Variants in CORO7 observed in about 807,000 individuals in gnomAD.
CORO7 encodes coronin-7.
CORO7 carries 107 observed loss-of-function variants against 126.6 expected under a neutral mutation model. The observed-to-expected ratio is 0.85, with a 90% CI of 0.72 to 0.99. The LOEUF (loss-of-function observed/expected upper bound fraction) is 0.99, where lower values mean the gene tolerates loss of function less well. CORO7 is among the 50% of genes least tolerant of loss of function. The pLI is 0.00. For missense variants in CORO7, 1,314 were observed against 1,255.8 expected, an observed-to-expected ratio of 1.05 and a Z score of -0.70; for synonymous variants, 603 against 536.8, an observed-to-expected ratio of 1.12 and a Z score of -1.70.
In CORO7 at chr16:4,364,352, AC is replaced by A; in HGVS notation, c.1198del (p.Val400CysfsTer15). ...GTCAGGGAGGGGCTCCGCAGGGGGC[AC>A]CAGACAGGAAGTGAAGCTCGGGTGG... ...RPHPSFTSCL[V>X]PPAEPLPDTA... On this transcript the variant is annotated frameshift_variant, in exon 14 of 28. Transcript: ENST00000251166. LOFTEE classifies it high-confidence loss of function. 6.6e-7 allele frequency: 1 copy of A among 1,526,562 alleles called. No homozygotes were observed. Among genetic ancestry groups the A allele is most frequent in the Non-Finnish European group, 8.8e-7 (1 of 1,140,370 alleles). 94.6% of individuals were successfully genotyped at this position (1,526,562 alleles called of 1,614,324 possible). A position where few individuals can be genotyped will look rare whatever the true frequency, so the allele number is the denominator to read the frequency against.
At chr16:4,381,113 A>G (rs760428023) in intron 9 of CORO7, 51 of 1,609,302 alleles carry the variant, frequency 3.2e-5, no homozygotes, top group Non-Finnish European at 4.2e-5. Flanking sequence ...CCGGGCCTGC[A>G]GCTCCTGGAC....
chr16:4,395,996 T>TGTGTGTGTG (rs55837244), intron 6 of CORO7, among the ~76,000 whole-genome samples: 11,292 of 151,114 alleles, frequency 0.075, 486 homozygotes, highest in Admixed American at 0.11. Flanking sequence ...CATGCACACG[T>TGTGTGTGTG]TGTGTGTGTG....
chr16:4,392,527 G>T (rs1053678341), intron 7 of CORO7, among the ~76,000 whole-genome samples: 1 of 152,202 alleles, frequency 6.6e-6, no homozygotes, highest in Non-Finnish European at 1.5e-5. Context: ...AGTGGAGGGC[G>T]GACTCCCTGG....
intron 6 of CORO7, among the ~76,000 whole-genome samples, chr16:4,395,736 G>A (rs1383055213): frequency 2.0e-5 from 3 of 152,084 alleles, no homozygotes; most frequent in African/African-American, 4.8e-5. Context: ...GGCTGTCAGC[G>A]CCCCACACAT....
chr16:4,408,208 G>A lies in CORO7; in HGVS notation c.276C>T (p.Leu92=), dbSNP rs1303917797. The change falls in exon 4 of 28, where the codon CTC becomes CTT. Residue 92 remains leucine (L), a synonymous_variant. Transcript: ENST00000251166. The part of the protein sequence containing the change: ...DLDFSPFDDF[L]LATGSADRTV... ...TCCTGTCAGCCGAGCCTGTGGCCAG[G>A]AGGAAGTCATCAAAGGGCGAGAAGT... is the stretch of plus-strand genomic sequence containing the variant. 1 of 1,614,094 alleles carries A rather than the reference G, an allele frequency of 6.2e-7. No homozygotes were observed. The highest frequency in any genetic ancestry group is 8.5e-7 in the Non-Finnish European group (1 of 1,180,036).
In CORO7 at chr16:4,359,486, G is replaced by C. The variant is rs538517913; in HGVS notation, c.2244C>G (p.Thr748=). The part of the protein sequence containing the change: ...YDPDTGLVLL[T]GKGDTRVFLY... ...GCCCTCCAGCCCAGCCCACCTTGCC[G>C]GTCAGGAGCACCAGGCCAGTGTCTG... Residue 748 remains threonine, a synonymous_variant, in exon 22 of 28, where the codon ACC becomes ACG. Transcript: ENST00000251166. 6.2e-6 allele frequency: 10 copies of C among 1,613,514 alleles called. No homozygotes were observed. Among genetic ancestry groups the C allele is most frequent in the African/African-American group, 5.3e-5 (4 of 75,048 alleles).
At chr16:4,400,782 T>C (rs1325252917) in intron 6 of CORO7, among the ~76,000 whole-genome samples, 1 of 137,702 alleles carries the variant, frequency 7.3e-6, no homozygotes, top group South Asian at 2.3e-4. Flanking sequence ...ATCGTGCCAA[T>C]GCACTCCAGC....
chr16:4,388,054 T>A lies in CORO7; in HGVS notation c.717A>T (p.Glu239Asp). Residue 239 changes from glutamate (E) to aspartate (D), a missense_variant, in exon 9 of 28, where the codon GAA (glutamate) becomes GAT (aspartate). Transcript: ENST00000251166. ...AGAACCGCGTGTCCCACAGCTTCAC[T>A]TCGCGCTCACGCATCTGCAGGGAGG... ...STGFNQMRER[E>D]VKLWDTRFFS... 6.2e-7 allele frequency: 1 copy of A among 1,612,804 alleles called. No individual in the cohort carries two copies. The highest frequency in any genetic ancestry group is 1.1e-5 in the South Asian group (1 of 91,008).
At chr16:4,368,873 G>C (rs1161341414) in intron 9 of CORO7, among the ~76,000 whole-genome samples, 1 of 152,196 alleles carries the variant, frequency 6.6e-6, no homozygotes, top group Non-Finnish European at 1.5e-5. Flanking sequence ...GGCTGCTGGG[G>C]GCACAGGCTG....
rs537410246 is a variant in CORO7, at chr16:4,405,398, C to T, written c.564+93G>A. 1.2e-5 allele frequency: 17 copies of T among 1,430,644 alleles called. No homozygotes were observed. In the Admixed American group the frequency reaches 3.8e-4, roughly 32 times the overall value. 88.6% of individuals were successfully genotyped at this position (1,430,644 alleles called of 1,614,324 possible). On this transcript the variant is annotated intron_variant, in intron 6 of 27. Coordinates refer to ENST00000251166, the MANE Select transcript of CORO7 (RefSeq NM_024535.5). ...TCCTGACCTCAGTGCTCCACTGCCT[C>T]CTAAACAACAAGCCTGGAAGGCCCA...
Position 4,361,985 on chromosome 16 carries a change from C to G in CORO7, c.1578G>C (p.Glu526Asp). Residue 526 changes from glutamate to aspartate, a missense_variant and splice_region_variant, in exon 16 of 28, where the codon GAG becomes GAC. By Grantham distance (45) the Glu-to-Asp change is conservative (BLOSUM62 2). Transcript: ENST00000251166. ...AGCCCTGGTGGGGTGGGGCCCTCAC[C>G]TCAAGCACAGCCACCTGTCCCCCGC... is the stretch of plus-strand genomic sequence containing the variant. ...LSSGGQVAVLELRKPGRLPDT... is the reference protein window; with the variant it reads ...LSSGGQVAVLDLRKPGRLPDT... 1 of 1,603,498 alleles carries G rather than the reference C, an allele frequency of 6.2e-7. No homozygotes were observed. The highest frequency in any genetic ancestry group is 8.5e-7 in the Non-Finnish European group (1 of 1,175,716).
chr16:4,403,940 C>T (rs908457012), intron 6 of CORO7, among the ~76,000 whole-genome samples: 1 of 152,146 alleles, frequency 6.6e-6, no homozygotes, highest in Non-Finnish European at 1.5e-5. Context: ...CCTGGGAAGC[C>T]GTCCCCAGCA....
At chr16:4,355,539 G>A (rs987982699) in intron 26 of CORO7, 167 bp from the exon 27 acceptor site, 8 of 695,814 alleles carry the variant, frequency 1.1e-5, no homozygotes, top group African/African-American at 9.0e-5. Context: ...CGCGATCTCG[G>A]CTCACTGCAA....
At position 4,379,862 on chromosome 16, in the gene CORO7, G is replaced by T. The variant is rs1282292242; in HGVS notation, c.785+8124C>A. On this transcript the variant is annotated intron_variant, in intron 9 of 27. Transcript: ENST00000251166. ...GTTCCAGACCAACCTGACCAACATGGTGAAACCCTGTCTCTACTAAAAAAA... is the reference window on the plus strand; with the variant it reads ...GTTCCAGACCAACCTGACCAACATGTTGAAACCCTGTCTCTACTAAAAAAA... Among the ~76,000 whole-genome samples the T allele has an allele frequency of 4.8e-5, 7 of 145,018 alleles. No homozygotes were observed. The East Asian group carries it at 1.4e-3, about 30-fold the overall frequency.
intron 9 of CORO7, among the ~76,000 whole-genome samples, chr16:4,379,249 C>T (rs1254459702): frequency 6.6e-6 from 1 of 152,054 alleles, no homozygotes; most frequent in Non-Finnish European, 1.5e-5. Flanking sequence ...GCAGGCGCCA[C>T]TGGGCAGGAT....
chr16:4,361,664 G>T, intron 16 of CORO7, 195 bp from the exon 17 acceptor site: 1 of 810,098 alleles, frequency 1.2e-6, no homozygotes, highest in Non-Finnish European at 2.1e-6. Context: ...CCCAGAGAGT[G>T]AGGGGGCAGC....
At chr16:4,413,548 TTC>T (rs1201527189) in intron 1 of CORO7, 144 bp from the exon 2 acceptor site, 3 of 753,824 alleles carry the variant, frequency 4.0e-6, no homozygotes, top group Middle Eastern at 3.0e-4. Context: ...TACTTTTTTT[TTC>T]TTTTTGAGAC....
intron 25 of CORO7, chr16:4,357,602 C>A (rs190378534): frequency 3.0e-6 from 1 of 335,382 alleles, no homozygotes; most frequent in African/African-American, 2.2e-5. Flanking sequence ...GTGATCCACT[C>A]GCCTCAGCCT....
intron 2 of CORO7, 25 bp from the exon 3 acceptor site, chr16:4,412,455 G>A: frequency 8.7e-6 from 14 of 1,613,588 alleles, no homozygotes; most frequent in Non-Finnish European, 1.2e-5. Context: ...CGGGGACTCT[G>A]ACTTCAGGCC....
Sources: gnomAD v4.1 joint callset for allele counts (sites outside exome capture counted in the v4.1 genomes callset) on GRCh38, gnomAD v4.1.1 for gene constraint, MANE v1.5 for transcripts, NCBI Gene and HGNC (gene_info 2026-07-23, HGNC 2026-07-21) for gene names.